ZFYVE16: variants seen among roughly 807,000 people sequenced by gnomAD.
ZFYVE16 encodes the protein zinc finger FYVE domain-containing protein 16.
Under a neutral mutation model 138.1 loss-of-function variants are expected in ZFYVE16, and 89 were observed. The observed-to-expected ratio is 0.64, with a 90% CI of 0.54 to 0.77. The LOEUF (loss-of-function observed/expected upper bound fraction) is 0.77, where lower values mean the gene tolerates loss of function less well. ZFYVE16 is among the 30% of genes least tolerant of loss of function. ZFYVE16 has a pLI of 0.00. For missense variants in ZFYVE16, 1,793 were observed against 1,786.7 expected (o/e 1.00, Z -0.06); for synonymous variants, 596 against 618.3 (o/e 0.96, Z 0.53).
At position 80,456,448 on chromosome 5, in the gene ZFYVE16, T is replaced by C. The variant is rs1469195135; in HGVS notation, c.3691-13T>C. On this transcript the variant is annotated splice_polypyrimidine_tract_variant and intron_variant, in intron 12 of 18. Coordinates refer to ENST00000505560, the MANE Select transcript of ZFYVE16 (RefSeq NM_001284236.3). ...TGGTTAGTAGTTTATGGTAATGCAA[T>C]TATTCTATGTAGGACCTTCGAAATT... is the stretch of plus-strand genomic sequence containing the variant. The C allele has an allele frequency of 6.3e-7, 1 of 1,583,170 alleles. No individual in the cohort carries two copies. The highest frequency in any genetic ancestry group is 1.7e-5 in the Admixed American group (1 of 57,780).
intron 5 of ZFYVE16, chr5:80,440,984 C>T (rs528588134): frequency 1.0e-6 from 1 of 985,306 alleles, no homozygotes; most frequent in South Asian, 4.7e-5. Context: ...TGCTGTTGAC[C>T]TCTGCTCTGG....
chr5:80,434,617 G>A lies in ZFYVE16; in HGVS notation c.70+400G>A, dbSNP rs75574074. On this transcript the variant is annotated intron_variant, in intron 3 of 18. Transcript: ENST00000505560. ...TCAGCCTCCAAGTGGGACCATAGGT[G>A]CATGCCACCATGCTGGCTAATTTTT... Among the ~76,000 whole-genome samples, 349 of 152,114 alleles carry A rather than the reference G, an allele frequency of 2.3e-3. 8 individuals carry two copies. In the East Asian group the frequency reaches 0.061, roughly 27 times the overall value.
At chr5:80,441,305 G>T in intron 5 of ZFYVE16, 1 of 985,412 alleles carries the variant, frequency 1.0e-6, no homozygotes, top group Non-Finnish European at 1.2e-6. Flanking sequence ...TCCAGGAGGG[G>T]AGAAGATATG....
Position 80,445,280 on chromosome 5 carries a change from C to A in ZFYVE16, c.2599C>A (p.Gln867Lys). Residue 867 changes from glutamine (Q) to lysine (K), a missense_variant, in exon 7 of 19, where the codon CAG (glutamine) becomes AAG (lysine). Gln to Lys is a moderately conservative substitution (Grantham distance 53). Transcript: ENST00000505560. ...GATTCTAGGACTATGTTCCAAAGAA[C>A]AGAAGAGAGTATGGTTTGCAGATGG... ...PGVEGLCSKE[Q>K]KRVWFADGIL... 1 of 1,613,310 alleles carries A rather than the reference C, an allele frequency of 6.2e-7. No homozygotes were observed. The highest frequency in any genetic ancestry group is 8.5e-7 in the Non-Finnish European group (1 of 1,179,734).
chr5:80,456,405 T>C lies in ZFYVE16; in HGVS notation c.3691-56T>C. On this transcript the variant is annotated intron_variant, in intron 12 of 18. Transcript: ENST00000505560. ...AAGGATTTCTTAAAGAAGGATTTAA[T>C]GGATAGAAAAATACTCATGGTTAGT... is the stretch of plus-strand genomic sequence containing the variant. 2.3e-6 allele frequency: 3 copies of C among 1,304,012 alleles called. No individual in the cohort carries two copies. The South Asian group carries it at 3.9e-5, about 17-fold the overall frequency. 80.8% of individuals were successfully genotyped at this position (1,304,012 alleles called of 1,614,324 possible). A position where few individuals can be genotyped will look rare whatever the true frequency, so the allele number is the denominator to read the frequency against.
In ZFYVE16 at chr5:80,437,329, T is replaced by G. The variant is rs775383265; in HGVS notation, c.644T>G (p.Leu215Arg). The change falls in exon 4 of 19, where the codon CTT becomes CGT. Residue 215 changes from leucine to arginine, a missense_variant. By Grantham distance (102) the Leu-to-Arg change is moderately radical. Coordinates refer to ENST00000505560, the MANE Select transcript of ZFYVE16 (RefSeq NM_001284236.3). ...TTGGGTATAAAAGTAGATACAACAC[T>G]TTCAGATTCCTATAATTACAGTGGA... is the stretch of plus-strand genomic sequence containing the variant. ...KELGIKVDTT[L>R]SDSYNYSGTE... 2 of 1,601,930 alleles carry G rather than the reference T, an allele frequency of 1.2e-6. No homozygotes were observed. The highest frequency in any genetic ancestry group is 2.2e-5 in the South Asian group (2 of 89,586).
At chr5:80,435,224 G>A (rs890393741) in intron 3 of ZFYVE16, among the ~76,000 whole-genome samples, 16 of 152,078 alleles carry the variant, frequency 1.1e-4, no homozygotes, top group African/African-American at 3.1e-4. Context: ...TAGTAGAAAC[G>A]GGGTTTCACC....
At chr5:80,412,621 A>G (rs765433090) in intron 1 of ZFYVE16, among the ~76,000 whole-genome samples, 1 of 152,154 alleles carries the variant, frequency 6.6e-6, no homozygotes, top group African/African-American at 2.4e-5. Flanking sequence ...TTAGTAGAGC[A>G]TTGCTATATA....
At chr5:80,449,470 T>C in intron 8 of ZFYVE16, 121 bp from the exon 9 acceptor site, 5 of 998,116 alleles carry the variant, frequency 5.0e-6, no homozygotes, top group Non-Finnish European at 7.3e-6. Flanking sequence ...TTATGAAACA[T>C]GTTTGCTTCT....
At chr5:80,436,476 G>A (rs183299965) in intron 3 of ZFYVE16, among the ~76,000 whole-genome samples, 3 of 152,152 alleles carry the variant, frequency 2.0e-5, no homozygotes, top group African/African-American at 7.2e-5. Context: ...AGCAATAGGG[G>A]TGTAAGTCAG....
chr5:80,463,212 C>T (rs550912696), intron 15 of ZFYVE16, among the ~76,000 whole-genome samples: 1 of 152,330 alleles, frequency 6.6e-6, no homozygotes, highest in South Asian at 2.1e-4. Context: ...CATGAGGGTT[C>T]CACCCCTGCA....
At position 80,445,267 on chromosome 5, in the gene ZFYVE16, A is replaced by C; in HGVS notation, c.2586A>C (p.Leu862=). ...TACTTTTTCAATTGATTCTAGGACT[A>C]TGTTCCAAAGAACAGAAGAGAGTAT... ...SALKQPGVEG[L]CSKEQKRVWF... The change falls in exon 7 of 19, where the codon CTA becomes CTC. Residue 862 remains leucine, a synonymous_variant. Transcript: ENST00000505560. The C allele has an allele frequency of 6.2e-7, 1 of 1,612,588 alleles. No homozygotes were observed.
At chr5:80,456,674 G>A in intron 13 of ZFYVE16, 109 bp downstream of exon 13, 1 of 934,448 alleles carries the variant, frequency 1.1e-6, no homozygotes, top group Non-Finnish European at 1.6e-6. Context: ...ATGTATTATG[G>A]CAACAAACAT....
rs1750901777 is a variant in ZFYVE16, at chr5:80,443,116, T to A, written c.2420-7T>A. On this transcript the variant is annotated splice_region_variant and splice_polypyrimidine_tract_variant and intron_variant, in intron 5 of 18. Coordinates refer to ENST00000505560, the MANE Select transcript of ZFYVE16 (RefSeq NM_001284236.3). ...AGATTTTAACACTATTGTTTTCCCC[T>A]TTATAGCTCAGGCATTTGAAAGGAT... 6.5e-7 allele frequency: 1 copy of A among 1,534,356 alleles called. No individual in the cohort carries two copies. Among genetic ancestry groups the A allele is most frequent in the Non-Finnish European group, 8.7e-7 (1 of 1,152,912 alleles).
Position 80,451,590 on chromosome 5 carries a change from A to G in ZFYVE16, c.3488A>G (p.Asp1163Gly). 1 of 1,613,822 alleles carries G rather than the reference A, an allele frequency of 6.2e-7. No homozygotes were observed. The highest frequency in any genetic ancestry group is 8.5e-7 in the Non-Finnish European group (1 of 1,179,822). Residue 1163 changes from aspartate to glycine, a missense_variant, in exon 11 of 19, where the codon GAT becomes GGT. Coordinates refer to ENST00000505560, the MANE Select transcript of ZFYVE16 (RefSeq NM_001284236.3). The part of the protein sequence containing the change: ...LFITPTFQKL[D>G]DLSLPSNPFL... Reference sequence around the variant, plus strand: ...ATTACACCTACTTTTCAGAAACTTGATGATCTCTCATTACCAAGTAATCCT... The same window carrying G: ...ATTACACCTACTTTTCAGAAACTTGGTGATCTCTCATTACCAAGTAATCCT...
intron 15 of ZFYVE16, among the ~76,000 whole-genome samples, chr5:80,461,251 G>C (rs1753078685): frequency 6.6e-6 from 1 of 152,032 alleles, no homozygotes; most frequent in African/African-American, 2.4e-5. Context: ...AAACACTTCT[G>C]GCCCTATGCG....
Position 80,456,747 on chromosome 5 carries a change from TC to T in ZFYVE16, c.3795+183del, listed in dbSNP as rs199964298. Among the ~76,000 whole-genome samples the T allele has an allele frequency of 1.1e-3, 164 of 152,308 alleles. 3 individuals carry two copies. In the East Asian group the frequency reaches 0.024, roughly 22 times the overall value. On this transcript the variant is annotated intron_variant, in intron 13 of 18. Transcript: ENST00000505560. ...TCTGTTTGATCATATTTCTTTTTTT[TC>T]GTACTGTTTTATTGAGGTGATTACT... is the stretch of plus-strand genomic sequence containing the variant.
Position 80,478,890 on chromosome 5 carries a change from TG to T in ZFYVE16, c.*1515del, listed in dbSNP as rs931531491. 7 of 152,176 alleles carry T rather than the reference TG, an allele frequency of 4.6e-5. No homozygotes were observed. Among genetic ancestry groups the T allele is most frequent in the African/African-American group, 1.7e-4 (7 of 41,448 alleles). 9.4% of individuals were successfully genotyped at this position (152,176 alleles called of 1,614,324 possible). A position where few individuals can be genotyped will look rare whatever the true frequency, so the allele number is the denominator to read the frequency against. ...AAAGTGTCGCAGATATTCAATAAAA[TG>T]GCAACCTGTTATAATTTGTGAAATT... On this transcript the variant is annotated 3_prime_UTR_variant, in exon 19 of 19. Coordinates refer to ENST00000505560, the MANE Select transcript of ZFYVE16 (RefSeq NM_001284236.3).
intron 10 of ZFYVE16, 87 bp from the exon 11 acceptor site, chr5:80,451,398 T>G: frequency 1.2e-5 from 12 of 1,040,064 alleles, no homozygotes; most frequent in Non-Finnish European, 1.5e-5. Context: ...TTGGATCAGT[T>G]TTTTGGATTT....
Sources: allele counts gnomAD v4.1 joint callset (sites outside exome capture counted in the v4.1 genomes callset), GRCh38; gene constraint gnomAD v4.1.1; transcripts MANE v1.5; gene names NCBI Gene and HGNC (gene_info 2026-07-23, HGNC 2026-07-21).